KCTD8: variants seen among roughly 807,000 people sequenced by gnomAD.
The protein encoded by KCTD8 is BTB/POZ domain-containing protein KCTD8.
A neutral mutation model predicts 31.5 loss-of-function variants in KCTD8; 27 were observed. That is an observed-to-expected ratio of 0.86 (90% CI 0.63 to 1.18). The LOEUF (loss-of-function observed/expected upper bound fraction) is 1.18, where lower values mean the gene tolerates loss of function less well. Ranked by LOEUF, KCTD8 falls within the 50% of genes most tolerant of loss-of-function variation. The pLI is 0.00. For missense variants in KCTD8, 658 were observed against 647.7 expected (o/e 1.02, Z -0.17); for synonymous variants, 290 against 280.0 (o/e 1.04, Z -0.36).
At chr4:44,414,958 A>G (rs1426661788) in intron 1 of KCTD8, among the ~76,000 whole-genome samples, 21 of 152,190 alleles carry the variant, frequency 1.4e-4, no homozygotes, top group Admixed American at 1.3e-3. Flanking sequence ...AGGAGACAGG[A>G]AGCCAAGGGA....
intron 1 of KCTD8, among the ~76,000 whole-genome samples, chr4:44,330,886 G>C (rs1002466981): frequency 6.6e-6 from 1 of 151,800 alleles, no homozygotes; most frequent in African/African-American, 2.4e-5. Flanking sequence ...TTGAGCCAGA[G>C]AAGAGGGGGT....
intron 1 of KCTD8, among the ~76,000 whole-genome samples, chr4:44,336,581 G>A (rs17460917): frequency 0.23 from 34,975 of 151,776 alleles, 4,778 homozygotes; most frequent in Non-Finnish European, 0.31. Flanking sequence ...AGATATAAGC[G>A]TTACAACTAT....
At chr4:44,407,918 C>T (rs1321091154) in intron 1 of KCTD8, among the ~76,000 whole-genome samples, 1 of 152,000 alleles carries the variant, frequency 6.6e-6, no homozygotes, top group Non-Finnish European at 1.5e-5. Context: ...TTTTATTCCG[C>T]ACCCCATACT....
chr4:44,427,283 C>T (rs1430250520), intron 1 of KCTD8, among the ~76,000 whole-genome samples: 1 of 151,112 alleles, frequency 6.6e-6, no homozygotes, highest in Non-Finnish European at 1.5e-5. Flanking sequence ...ACATATAATT[C>T]ATATAAAATA....
At chr4:44,298,695 T>C (rs1226251122) in intron 1 of KCTD8, among the ~76,000 whole-genome samples, 3 of 152,156 alleles carry the variant, frequency 2.0e-5, no homozygotes, top group African/African-American at 7.2e-5. Flanking sequence ...TGGGAATAGC[T>C]ACCAGCTTAG....
intron 1 of KCTD8, among the ~76,000 whole-genome samples, chr4:44,270,478 A>G (rs1716556384): frequency 6.6e-6 from 1 of 151,984 alleles, no homozygotes; most frequent in East Asian, 1.9e-4. Context: ...CCAGCATGGC[A>G]GATATATACA....
intron 1 of KCTD8, among the ~76,000 whole-genome samples, chr4:44,397,241 C>T (rs983102672): frequency 6.6e-6 from 1 of 152,070 alleles, no homozygotes; most frequent in Non-Finnish European, 1.5e-5. Context: ...TTAATAGCCC[C>T]TTTTGTAGAT....
rs541069144 is a variant in KCTD8 at position 44,447,882 on chromosome 4, C to T, written c.642G>A (p.Arg214=). 11 of 1,543,438 alleles carry T rather than the reference C, an allele frequency of 7.1e-6. No homozygotes were observed. In the East Asian group the frequency reaches 2.5e-4, roughly 35 times the overall value. ...TGTCGCGCACGGTGGTGTAGGAGCC[C>T]CGGTAGCCCAGCGTGAGGAAGCCCG... is the stretch of plus-strand genomic sequence containing the variant. The part of the protein sequence containing the change: ...KRSGFLTLGY[R]GSYTTVRDNQ... Residue 214 remains arginine (R), a synonymous_variant, in exon 1 of 2, where the codon CGG becomes CGA. Transcript: ENST00000360029.
chr4:44,409,639 G>A (rs914829352), intron 1 of KCTD8, among the ~76,000 whole-genome samples: 4 of 151,930 alleles, frequency 2.6e-5, no homozygotes, highest in Non-Finnish European at 4.4e-5. Context: ...TTACCAAATT[G>A]ACAAAGGTCA....
At chr4:44,303,339 C>T (rs1717690003) in intron 1 of KCTD8, among the ~76,000 whole-genome samples, 1 of 151,900 alleles carries the variant, frequency 6.6e-6, no homozygotes, top group Admixed American at 6.6e-5. Context: ...GCTGTGAATC[C>T]ATCTGGTCCT....
intron 1 of KCTD8, among the ~76,000 whole-genome samples, chr4:44,176,294 G>C (rs1483283754): frequency 6.6e-6 from 1 of 152,120 alleles, no homozygotes; most frequent in African/African-American, 2.4e-5. Context: ...GAGAACAACT[G>C]GTCTAATTTC....
chr4:44,296,991 T>A (rs907296603), intron 1 of KCTD8, among the ~76,000 whole-genome samples: 1 of 152,102 alleles, frequency 6.6e-6, no homozygotes, highest in Admixed American at 6.5e-5. Flanking sequence ...ATTTCCAATA[T>A]TAACACTCTA....
chr4:44,247,708 T>C (rs1431949689), intron 1 of KCTD8, among the ~76,000 whole-genome samples: 4 of 151,952 alleles, frequency 2.6e-5, no homozygotes, highest in Non-Finnish European at 4.4e-5. Flanking sequence ...AGTGGAATCA[T>C]GTACTATCAG....
intron 1 of KCTD8, among the ~76,000 whole-genome samples, chr4:44,258,525 C>T (rs982721358): frequency 6.6e-6 from 1 of 151,782 alleles, no homozygotes; most frequent in Non-Finnish European, 1.5e-5. Flanking sequence ...TTTATGAGTG[C>T]TCATAATTTC....
At position 44,226,506 on chromosome 4, in the gene KCTD8, T is replaced by C. The variant is rs989221554; in HGVS notation, c.962-51256A>G. ...AATAGTGTTGCAATAAACATATGTG[T>C]GCATGTGTCTTCATAGCAGAATAAT... On this transcript the variant is annotated intron_variant, in intron 1 of 1. Transcript: ENST00000360029. Among the ~76,000 whole-genome samples the C allele has an allele frequency of 9.7e-4, 147 of 152,316 alleles. 3 individuals carry two copies. The highest frequency in any genetic ancestry group is 1.9e-4 in the Non-Finnish European group (13 of 68,028).
rs1211866451 is a variant in KCTD8 at position 44,448,654 on chromosome 4, G to A, written c.-131C>T. 1.9e-6 allele frequency: 2 copies of A among 1,039,014 alleles called. No homozygotes were observed. The highest frequency in any genetic ancestry group is 1.2e-6 in the Non-Finnish European group (1 of 805,890). 64.4% of individuals were successfully genotyped at this position (1,039,014 alleles called of 1,614,324 possible). ...TGGGCGGCGCGTTCCTCCGACCGGG[G>A]CGGCCCCGCTCAGGGTTCGGGGCAG... On this transcript the variant is annotated 5_prime_UTR_variant, in exon 1 of 2. Coordinates refer to ENST00000360029, the MANE Select transcript of KCTD8 (RefSeq NM_198353.3). The surrounding 1 kb of genome is among the most constrained non-coding windows in gnomAD (Gnocchi z 4.1).
chr4:44,405,077 T>C (rs1013900716), intron 1 of KCTD8, among the ~76,000 whole-genome samples: 17 of 152,166 alleles, frequency 1.1e-4, no homozygotes, highest in Admixed American at 9.8e-4. Context: ...TAGATCTGAA[T>C]TTCTGCTTTC....
intron 1 of KCTD8, among the ~76,000 whole-genome samples, chr4:44,220,150 C>A (rs1035726474): frequency 6.6e-6 from 1 of 152,048 alleles, no homozygotes; most frequent in Non-Finnish European, 1.5e-5. Context: ...AGGTGACTAC[C>A]ATGTAGAGGT....
At chr4:44,224,032 CTTCAA>C (rs1363938430) in intron 1 of KCTD8, among the ~76,000 whole-genome samples, 1 of 152,194 alleles carries the variant, frequency 6.6e-6, no homozygotes, top group East Asian at 1.9e-4. Context: ...TCCTCTCTCT[CTTCAA>C]TTCAATCCTT....
Sources: allele counts gnomAD v4.1 joint callset (sites outside exome capture counted in the v4.1 genomes callset), GRCh38; gene constraint gnomAD v4.1.1; non-coding constraint Gnocchi (gnomAD v3.1); transcripts MANE v1.5; gene names NCBI Gene and HGNC (gene_info 2026-07-23, HGNC 2026-07-21).